UBXN2A: variants seen among roughly 807,000 people sequenced by gnomAD.
UBXN2A encodes UBX domain protein 2A.
Under a neutral mutation model 28.4 loss-of-function variants are expected in UBXN2A, and 28 were observed. That is an observed-to-expected ratio of 0.99 (90% CI 0.73 to 1.35). UBXN2A has a LOEUF of 1.35. UBXN2A is among the 40% of genes most tolerant of loss of function. The pLI is 0.00. For synonymous variants in UBXN2A, 97 were observed against 103.6 expected, an observed-to-expected ratio of 0.94 and a Z score of 0.39; for missense variants, 253 against 297.9, an observed-to-expected ratio of 0.85 and a Z score of 1.11.
chr2:23,938,551 CTCCCTTT>C (rs1308991916), upstream of UBXN2A, among the ~76,000 whole-genome samples: 4 of 143,082 alleles, frequency 2.8e-5, no homozygotes, highest in Admixed American at 6.8e-5. Context: ...TGGCCCCCCC[CTCCCTTT>C]TTTTTTTTTT....
chr2:23,986,637 G>A (rs1297819382), intron 6 of UBXN2A, among the ~76,000 whole-genome samples: 1 of 149,850 alleles, frequency 6.7e-6, no homozygotes, highest in African/African-American at 2.4e-5. Context: ...TTGAGACGGG[G>A]TCTTCTGCCA....
chr2:23,988,597 A>G (rs1708222256), intron 6 of UBXN2A, among the ~76,000 whole-genome samples: 1 of 152,184 alleles, frequency 6.6e-6, no homozygotes. Context: ...CATTTGTCCC[A>G]TTATGATGAT....
chr2:23,980,478 T>C (rs1378528013), intron 4 of UBXN2A, among the ~76,000 whole-genome samples: 1 of 152,124 alleles, frequency 6.6e-6, no homozygotes, highest in East Asian at 1.9e-4. Flanking sequence ...GCCATTTTAG[T>C]GGTTGTAAAG....
Position 23,958,298 on chromosome 2 carries a change from C to G in UBXN2A, c.-14-3C>G. 36 of 1,591,212 alleles carry G rather than the reference C, an allele frequency of 2.3e-5. No individual in the cohort carries two copies. Among genetic ancestry groups the G allele is most frequent in the Non-Finnish European group, 3.1e-5 (36 of 1,171,900 alleles). Reference sequence around the variant, plus strand: ...TTTACTTACTTTCTTTGTACTTTTACAGTAAGGCGAAAGAGAATGAAAGAC... The same window carrying G: ...TTTACTTACTTTCTTTGTACTTTTAGAGTAAGGCGAAAGAGAATGAAAGAC... On this transcript the variant is annotated splice_polypyrimidine_tract_variant and splice_region_variant and intron_variant, in intron 1 of 6. Coordinates refer to ENST00000309033, the MANE Select transcript of UBXN2A (RefSeq NM_181713.4).
chr2:23,994,397 A>G (rs1015395415), intron 6 of UBXN2A, among the ~76,000 whole-genome samples: 6 of 151,956 alleles, frequency 3.9e-5, no homozygotes, highest in African/African-American at 1.2e-4. Flanking sequence ...CTCGTATTTT[A>G]TTCTCTTTTG....
rs542968788 is a variant in UBXN2A, at chr2:24,002,886, T to A, written c.*3019T>A. The A allele has an allele frequency of 6.6e-6, 1 of 152,280 alleles. No homozygotes were observed. The highest frequency in any genetic ancestry group is 1.5e-5 in the Non-Finnish European group (1 of 68,024). 9.4% of individuals were successfully genotyped at this position (152,280 alleles called of 1,614,324 possible). ...ACACCTCTGTATACTGGTGAAAGAA[T>A]GAAAAGAAGCAAATAATGCCTTAGT... On this transcript the variant is annotated 3_prime_UTR_variant, in exon 7 of 7. Transcript: ENST00000309033.
chr2:23,978,615 G>T lies in UBXN2A; in HGVS notation c.287+1540G>T, dbSNP rs1238889783. Among the ~76,000 whole-genome samples, 5 of 151,592 alleles carry T rather than the reference G, an allele frequency of 3.3e-5. No individual in the cohort carries two copies. The East Asian group carries it at 9.7e-4, about 30-fold the overall frequency. On this transcript the variant is annotated intron_variant, in intron 4 of 6. Transcript: ENST00000309033. ...GCCAGGATCACGCCACTGCACTCCAGCCTGGGCAACAGAGCAAGACTCCGT... is the reference window on the plus strand; with the variant it reads ...GCCAGGATCACGCCACTGCACTCCATCCTGGGCAACAGAGCAAGACTCCGT...
chr2:23,961,104 G>GT (rs771315892), intron 2 of UBXN2A, among the ~76,000 whole-genome samples: 7 of 151,026 alleles, frequency 4.6e-5, no homozygotes, highest in African/African-American at 7.3e-5. Context: ...TTTTGTTTTT[G>GT]TTTTTTTTGA....
intron 1 of UBXN2A, among the ~76,000 whole-genome samples, chr2:23,946,189 C>T (rs1044196845): frequency 1.3e-5 from 2 of 152,048 alleles, no homozygotes; most frequent in Non-Finnish European, 1.5e-5. Context: ...AGTTTCACTT[C>T]GACATCCAGG....
rs188227371 is a variant in UBXN2A at position 24,004,128 on chromosome 2, T to C, written c.*4261T>C. ...ATGCGAATAATATCCTCAAAGATTT[T>C]CTACAATGAGAATCATCCAGTAAAG... On this transcript the variant is annotated 3_prime_UTR_variant, in exon 7 of 7. Transcript: ENST00000309033. 5.9e-5 allele frequency: 9 copies of C among 152,340 alleles called. No homozygotes were observed. Among genetic ancestry groups the C allele is most frequent in the Admixed American group, 2.6e-4 (4 of 15,292 alleles). 9.4% of individuals were successfully genotyped at this position (152,340 alleles called of 1,614,324 possible).
intron 2 of UBXN2A, among the ~76,000 whole-genome samples, chr2:23,963,202 G>A (rs562147714): frequency 3.9e-5 from 6 of 152,098 alleles, no homozygotes; most frequent in Non-Finnish European, 8.8e-5. Context: ...CAGCCAAACC[G>A]TATCAATAAC....
At chr2:23,956,025 G>A (rs957268880) in intron 1 of UBXN2A, among the ~76,000 whole-genome samples, 11 of 152,036 alleles carry the variant, frequency 7.2e-5, no homozygotes, top group Admixed American at 2.0e-4. Context: ...CCACTATGCC[G>A]AGCTGATTTT....
At chr2:23,974,595 C>T (rs185935709) in intron 3 of UBXN2A, among the ~76,000 whole-genome samples, 6,572 of 152,184 alleles carry the variant, frequency 0.043, 199 homozygotes, top group Middle Eastern at 0.092. Flanking sequence ...ATCCGCCTGC[C>T]TCGGCCTCCC....
At chr2:23,988,859 C>G (rs1374798614) in intron 6 of UBXN2A, among the ~76,000 whole-genome samples, 2 of 152,184 alleles carry the variant, frequency 1.3e-5, no homozygotes, top group Admixed American at 1.3e-4. Flanking sequence ...GTCTCAGGTA[C>G]AGTTTGTGAG....
At chr2:23,957,255 C>G (rs72798404) in intron 1 of UBXN2A, among the ~76,000 whole-genome samples, 1 of 151,728 alleles carries the variant, frequency 6.6e-6, no homozygotes, top group Non-Finnish European at 1.5e-5. Flanking sequence ...CACCTCAGCA[C>G]CTCAACTTCC....
intron 6 of UBXN2A, among the ~76,000 whole-genome samples, chr2:23,997,701 C>T (rs1015937461): frequency 4.6e-5 from 7 of 152,066 alleles, no homozygotes; most frequent in Admixed American, 2.0e-4. Flanking sequence ...CTGCCTCGGC[C>T]TCCCAAAGTG....
chr2:23,960,494 C>T (rs765671590), intron 2 of UBXN2A, among the ~76,000 whole-genome samples: 1 of 152,028 alleles, frequency 6.6e-6, no homozygotes, highest in Admixed American at 6.6e-5. Context: ...ATATATAGTT[C>T]AGTAGTTTTT....
chr2:23,987,288 A>C (rs1708169663), intron 6 of UBXN2A, among the ~76,000 whole-genome samples: 3 of 152,198 alleles, frequency 2.0e-5, no homozygotes, highest in Admixed American at 2.0e-4. Context: ...ATAGATTCTT[A>C]TCAGTATACC....
At chr2:23,933,569 A>G (rs766292924) in intron 1 of UBXN2A, among the ~76,000 whole-genome samples, 2 of 152,048 alleles carry the variant, frequency 1.3e-5, no homozygotes, top group Non-Finnish European at 2.9e-5. Context: ...AGCAAGAGCC[A>G]TAAATTAGTT....
Sources: allele counts gnomAD v4.1 joint callset (sites outside exome capture counted in the v4.1 genomes callset), GRCh38; gene constraint gnomAD v4.1.1; transcripts MANE v1.5; gene names NCBI Gene and HGNC (gene_info 2026-07-23, HGNC 2026-07-21).